VLDLR: variants seen among roughly 807,000 people sequenced by gnomAD.
VLDLR encodes the protein very low-density lipoprotein receptor.
In VLDLR, 81 loss-of-function variants were observed where a neutral mutation model predicts 112.7. The ratio of observed to expected loss-of-function variants is 0.72; its 90% CI spans 0.60 to 0.86. The LOEUF (loss-of-function observed/expected upper bound fraction) is 0.86. Among genes scored for constraint, VLDLR ranks in the 40% least tolerant of loss-of-function variants. The pLI is 0.00. For missense variants in VLDLR, 1,237 were observed against 1,099.4 expected, an observed-to-expected ratio of 1.13 and a Z score of -1.77; for synonymous variants, 436 against 384.8, an observed-to-expected ratio of 1.13 and a Z score of -1.56.
At chr9:2,646,156 C>T (rs911281631) in intron 10 of VLDLR, among the ~76,000 whole-genome samples, 178 bp from the exon 11 acceptor site, 2 of 151,684 alleles carry the variant, frequency 1.3e-5, no homozygotes, top group Admixed American at 6.6e-5. Context: ...AGATAATCTA[C>T]AGCATTATTA....
At position 2,659,671 on chromosome 9, in the gene VLDLR, A is replaced by C. The variant is rs1586667664; in HGVS notation, c.*5803A>C. 1 of 152,364 alleles carries C rather than the reference A, an allele frequency of 6.6e-6. No homozygotes were observed. 9.4% of individuals were successfully genotyped at this position (152,364 alleles called of 1,614,324 possible). On this transcript the variant is annotated 3_prime_UTR_variant, in exon 19 of 19. Coordinates refer to ENST00000382100, the MANE Select transcript of VLDLR (RefSeq NM_003383.5). ...CCTATAGGGAGAAACATGGCCAAAA[A>C]GACAGGAAGAACTGTGGCTTGTAAC... is the stretch of plus-strand genomic sequence containing the variant.
At chr9:2,645,433 G>A (rs143644611) in intron 9 of VLDLR, 141 bp from the exon 10 acceptor site, 1 of 1,076,170 alleles carries the variant, frequency 9.3e-7, no homozygotes, top group East Asian at 2.5e-5. Flanking sequence ...AGGTCCCAGG[G>A]GCAGGAACTC....
chr9:2,646,970 G>C (rs1286195697), intron 11 of VLDLR, among the ~76,000 whole-genome samples: 1 of 152,200 alleles, frequency 6.6e-6, no homozygotes, highest in African/African-American at 2.4e-5. Context: ...TTGCATCTAA[G>C]TGTGCAAGTT....
chr9:2,658,974 A>T lies in VLDLR; in HGVS notation c.*5106A>T, dbSNP rs1203020745. On this transcript the variant is annotated 3_prime_UTR_variant, in exon 19 of 19. Coordinates refer to ENST00000382100, the MANE Select transcript of VLDLR (RefSeq NM_003383.5). ...ACTGCATGGTTTAAACCCTAGAAAC[A>T]TAAATGGAATGTTTCTGCCTCAGTT... is the stretch of plus-strand genomic sequence containing the variant. 1 of 152,196 alleles carries T rather than the reference A, an allele frequency of 6.6e-6. No homozygotes were observed. The highest frequency in any genetic ancestry group is 1.5e-5 in the Non-Finnish European group (1 of 68,040). 9.4% of individuals were successfully genotyped at this position (152,196 alleles called of 1,614,324 possible). A position where few individuals can be genotyped will look rare whatever the true frequency, so the allele number is the denominator to read the frequency against.
At chr9:2,634,350 G>A (rs180957010) in intron 1 of VLDLR, among the ~76,000 whole-genome samples, 67 of 152,290 alleles carry the variant, frequency 4.4e-4, no homozygotes, top group Middle Eastern at 3.4e-3. Flanking sequence ...GCAGGAAATC[G>A]GAAGGCCTTC....
chr9:2,641,907 T>C (rs1024359674), intron 4 of VLDLR, among the ~76,000 whole-genome samples: 2 of 151,504 alleles, frequency 1.3e-5, no homozygotes, highest in Non-Finnish European at 2.9e-5. Flanking sequence ...TGGAATAAAT[T>C]ATTTGAGTAT....
chr9:2,648,421 C>CGGGAGGAG (rs1818166697), intron 13 of VLDLR, 74 bp downstream of exon 13: 1 of 1,603,006 alleles, frequency 6.2e-7, no homozygotes, highest in Admixed American at 1.7e-5. Flanking sequence ...ACAGACATAG[C>CGGGAGGAG]GGGAGGAGGG....
chr9:2,625,491 T>C (rs910928079), intron 1 of VLDLR, among the ~76,000 whole-genome samples: 3 of 152,226 alleles, frequency 2.0e-5, no homozygotes, highest in Non-Finnish European at 2.9e-5. Flanking sequence ...AAAGTAATGA[T>C]TGCATTCACT....
At position 2,648,696 on chromosome 9, in the gene VLDLR, A is replaced by T. The variant is rs757931710; in HGVS notation, c.1990A>T (p.Asn664Tyr). Residue 664 changes from asparagine (N) to tyrosine (Y), a missense_variant, in exon 14 of 19, where the codon AAT (asparagine) becomes TAT (tyrosine). By Grantham distance (143) the Asn-to-Tyr change is moderately radical. Transcript: ENST00000382100. ...TCGTGTCTACTGGATAGATGGGGAA[A>T]ATGAAGCAGTCTATGGTGCCAATAA... ...EDRVYWIDGE[N>Y]EAVYGANKFT... is the part of the protein sequence containing the mutation. 16 of 1,614,180 alleles carry T rather than the reference A, an allele frequency of 9.9e-6. No homozygotes were observed. In the South Asian group the frequency reaches 1.6e-4, roughly 17 times the overall value.
At position 2,645,681 on chromosome 9, in the gene VLDLR, C is replaced by G. The variant is rs1298778126; in HGVS notation, c.1420C>G (p.Leu474Val). 7.4e-6 allele frequency: 12 copies of G among 1,614,060 alleles called. No individual in the cohort carries two copies. The highest frequency in any genetic ancestry group is 1.3e-5 in the African/African-American group (1 of 74,908). ...LVEQLRNTVA[L>V]DADIAAQKLF... ...TGAACAGCTAAGAAACACTGTGGCT[C>G]TCGATGCTGACATTGCTGCCCAGAA... is the stretch of plus-strand genomic sequence containing the variant. The change falls in exon 10 of 19, where the codon CTC (leucine) becomes GTC (valine). Residue 474 changes from leucine to valine, a missense_variant. Physicochemically the swap from Leu to Val is conservative, Grantham distance 32. Transcript: ENST00000382100.
chr9:2,640,030 C>G (rs766487346), intron 3 of VLDLR, 49 bp downstream of exon 3: 4 of 1,613,862 alleles, frequency 2.5e-6, no homozygotes, highest in African/African-American at 2.7e-5. Flanking sequence ...TGTTCGGTGT[C>G]TAACATTTCT....
At chr9:2,635,772 C>A (rs1284023200) in intron 2 of VLDLR, among the ~76,000 whole-genome samples, 200 bp downstream of exon 2, 1 of 152,136 alleles carries the variant, frequency 6.6e-6, no homozygotes, top group Non-Finnish European at 1.5e-5. Context: ...GGTGATGTTC[C>A]ATTTAAATGA....
chr9:2,635,175 C>T (rs1817546938), intron 1 of VLDLR, among the ~76,000 whole-genome samples: 1 of 152,132 alleles, frequency 6.6e-6, no homozygotes, highest in African/African-American at 2.4e-5. Context: ...GTTGTATATA[C>T]CATTTTAGTT....
chr9:2,622,087 T>G lies in VLDLR; in HGVS notation c.-103T>G. 1 of 750,616 alleles carries G rather than the reference T, an allele frequency of 1.3e-6. No homozygotes were observed. The highest frequency in any genetic ancestry group is 1.8e-6 in the Non-Finnish European group (1 of 546,504). 46.5% of individuals were successfully genotyped at this position (750,616 alleles called of 1,614,324 possible). A position where few individuals can be genotyped will look rare whatever the true frequency, so the allele number is the denominator to read the frequency against. ...TTCCCCTCCTTCTCCCCCTTTCCCC[T>G]CCCCGCCCCCACCTTCTTCCTCCTT... On this transcript the variant is annotated 5_prime_UTR_variant, in exon 1 of 19. Coordinates refer to ENST00000382100, the MANE Select transcript of VLDLR (RefSeq NM_003383.5).
At chr9:2,624,906 G>T (rs919956320) in intron 1 of VLDLR, among the ~76,000 whole-genome samples, 1 of 152,120 alleles carries the variant, frequency 6.6e-6, no homozygotes. Flanking sequence ...TCACCCTCTT[G>T]CCCACTTTAT....
At position 2,646,368 on chromosome 9, in the gene VLDLR, A is replaced by C; in HGVS notation, c.1519A>C (p.Lys507Gln). ...TGATGACAAGGTTGGTAGACATGTT[A>C]AAATGATCGACAATGTCTATAATCC... ...SIDDKVGRHVKMIDNVYNPAA... is the reference protein window; with the variant it reads ...SIDDKVGRHVQMIDNVYNPAA... Residue 507 changes from lysine to glutamine, a missense_variant, in exon 11 of 19, where the codon AAA becomes CAA. Lys to Gln is a moderately conservative substitution (Grantham distance 53). Transcript: ENST00000382100. 1.2e-6 allele frequency: 2 copies of C among 1,614,202 alleles called. No homozygotes were observed. Among genetic ancestry groups the C allele is most frequent in the East Asian group, 2.2e-5 (1 of 44,888 alleles).
intron 1 of VLDLR, among the ~76,000 whole-genome samples, chr9:2,623,665 G>C (rs1299284869): frequency 6.6e-6 from 1 of 152,210 alleles, no homozygotes; most frequent in East Asian, 1.9e-4. Context: ...ATCACGTTTA[G>C]GTTGGTCACA....
intron 7 of VLDLR, among the ~76,000 whole-genome samples, chr9:2,644,395 T>C (rs1817973427): frequency 6.8e-6 from 1 of 148,074 alleles, no homozygotes; most frequent in Non-Finnish European, 1.5e-5. Flanking sequence ...GGTCTCGAAC[T>C]CCTGACCTCG....
chr9:2,622,184 G>A lies in VLDLR; in HGVS notation c.-6G>A. The A allele has an allele frequency of 6.7e-7, 1 of 1,494,872 alleles. No individual in the cohort carries two copies. The highest frequency in any genetic ancestry group is 8.9e-7 in the Non-Finnish European group (1 of 1,128,238). 92.6% of individuals were successfully genotyped at this position (1,494,872 alleles called of 1,614,324 possible). ...CGGCGGCGGCGGCACCATCCAGGCG[G>A]GCACCATGGGCACGTCCGCGCTCTG... On this transcript the variant is annotated 5_prime_UTR_variant, in exon 1 of 19. Coordinates refer to ENST00000382100, the MANE Select transcript of VLDLR (RefSeq NM_003383.5).
Sources: allele counts gnomAD v4.1 joint callset (sites outside exome capture counted in the v4.1 genomes callset), GRCh38; gene constraint gnomAD v4.1.1; transcripts MANE v1.5; gene names NCBI Gene and HGNC (gene_info 2026-07-23, HGNC 2026-07-21).